Variants in COMMD1 observed in about 807,000 individuals in gnomAD.
The protein encoded by COMMD1 is COMM domain-containing protein 1.
In COMMD1, 10 loss-of-function variants were observed where a neutral mutation model predicts 17.2. The observed-to-expected ratio is 0.58, with a 90% CI of 0.36 to 0.99. The LOEUF (loss-of-function observed/expected upper bound fraction) is 0.99. COMMD1 is among the 50% of genes least tolerant of loss of function. COMMD1 has a pLI of 0.01. For synonymous variants in COMMD1, 97 were observed against 91.6 expected (o/e 1.06, Z -0.34); for missense variants, 270 against 231.8 (o/e 1.17, Z -1.07).
At chr2:62,002,922 A>T (rs544019138) in intron 2 of COMMD1, among the ~76,000 whole-genome samples, 7 of 152,092 alleles carry the variant, frequency 4.6e-5, no homozygotes, top group African/African-American at 1.7e-4. Context: ...CTTGTTGACT[A>T]GTTTGTCTGA....
chr2:61,961,608 T>C (rs7589776), intron 1 of COMMD1, among the ~76,000 whole-genome samples: 2,465 of 152,350 alleles, frequency 0.016, 65 homozygotes, highest in African/African-American at 0.057. Flanking sequence ...GAAATCTTTT[T>C]GTATAATTTA....
chr2:62,058,451 C>T (rs1433097863), intron 2 of COMMD1, among the ~76,000 whole-genome samples: 7 of 152,154 alleles, frequency 4.6e-5, no homozygotes, highest in Non-Finnish European at 1.0e-4. Context: ...AACTCCTGCA[C>T]TCACACAGTC....
intron 2 of COMMD1, among the ~76,000 whole-genome samples, chr2:62,077,802 G>A (rs1292142594): frequency 6.6e-6 from 1 of 152,094 alleles, no homozygotes; most frequent in Admixed American, 6.5e-5. Flanking sequence ...ATTTTAGGGA[G>A]ACATGAAGCT....
At chr2:61,930,891 A>T (rs753219431) in intron 1 of COMMD1, among the ~76,000 whole-genome samples, 1 of 152,142 alleles carries the variant, frequency 6.6e-6, no homozygotes, top group Non-Finnish European at 1.5e-5. Context: ...CTGCCTAGGT[A>T]TGCTAACTCA....
chr2:61,962,955 A>T (rs547424477), intron 1 of COMMD1, among the ~76,000 whole-genome samples: 1 of 151,992 alleles, frequency 6.6e-6, no homozygotes, highest in African/African-American at 2.4e-5. Context: ...GAGGTCAGGA[A>T]TTTAAGACCA....
At chr2:61,993,094 A>G (rs1166616906) in intron 1 of COMMD1, among the ~76,000 whole-genome samples, 2 of 152,328 alleles carry the variant, frequency 1.3e-5, no homozygotes, top group East Asian at 1.9e-4. Context: ...CACTGAAGCA[A>G]GTAATAGTCA....
chr2:61,979,000 A>T (rs144616989), intron 1 of COMMD1, among the ~76,000 whole-genome samples: 537 of 152,228 alleles, frequency 3.5e-3, no homozygotes, highest in African/African-American at 0.012. Flanking sequence ...TAAAATATAC[A>T]ATTAAATTAT....
intron 1 of COMMD1, among the ~76,000 whole-genome samples, chr2:61,983,433 G>A (rs757541601): frequency 5.3e-5 from 8 of 151,992 alleles, no homozygotes; most frequent in Non-Finnish European, 1.0e-4. Flanking sequence ...CTCGTGATCC[G>A]ACCGCCTCGG....
At chr2:61,976,898 G>A (rs561812915) in intron 1 of COMMD1, among the ~76,000 whole-genome samples, 2 of 150,864 alleles carry the variant, frequency 1.3e-5, no homozygotes, top group African/African-American at 4.9e-5. Flanking sequence ...GTGTGGTCTC[G>A]GCTCACTGGA....
chr2:62,109,919 C>CTTTTTTT (rs11345736), intron 2 of COMMD1, among the ~76,000 whole-genome samples: 25 of 73,856 alleles, frequency 3.4e-4, no homozygotes, highest in African/African-American at 5.6e-4. Flanking sequence ...TTATCTTGAT[C>CTTTTTTT]TTTTTTTTTT....
In COMMD1 at chr2:62,122,448, T is replaced by C. The variant is rs563255304; in HGVS notation, c.463-13383T>C. 1.2e-4 allele frequency among the ~76,000 whole-genome samples: 18 copies of C among 151,376 alleles called. No individual in the cohort carries two copies. In the South Asian group the frequency reaches 3.1e-3, roughly 26 times the overall value. On this transcript the variant is annotated intron_variant, in intron 2 of 2. Transcript: ENST00000311832. ...ATCTCTAAGTTTCTTTCTTTTCTTTTTTTTTTTTTTTGTCTAGTAGTGAAA... is the reference window on the plus strand; with the variant it reads ...ATCTCTAAGTTTCTTTCTTTTCTTTCTTTTTTTTTTTGTCTAGTAGTGAAA...
intron 2 of COMMD1, among the ~76,000 whole-genome samples, chr2:62,093,957 T>C (rs1372319831): frequency 6.6e-6 from 1 of 152,196 alleles, no homozygotes; most frequent in African/African-American, 2.4e-5. Flanking sequence ...GTTTGATTCC[T>C]TGGAGTTGGA....
At chr2:61,934,860 C>A (rs1274359344) in intron 1 of COMMD1, among the ~76,000 whole-genome samples, 2 of 152,168 alleles carry the variant, frequency 1.3e-5, no homozygotes, top group Admixed American at 6.5e-5. Flanking sequence ...TCAAGCAGTC[C>A]TCCTGCCTTG....
At chr2:61,893,065 C>A (rs1669472963) in intron 1 of COMMD1, among the ~76,000 whole-genome samples, 2 of 151,922 alleles carry the variant, frequency 1.3e-5, no homozygotes, top group Admixed American at 6.6e-5. Context: ...CGGGGTTTCA[C>A]CATGTTGGCC....
intron 2 of COMMD1, among the ~76,000 whole-genome samples, chr2:62,106,071 C>T (rs1342175030): frequency 3.3e-5 from 5 of 152,150 alleles, no homozygotes; most frequent in South Asian, 2.1e-4. Flanking sequence ...ACATAGCTCA[C>T]GTCCAGCCTC....
chr2:61,944,556 C>T (rs1258334363), intron 1 of COMMD1, among the ~76,000 whole-genome samples: 5 of 152,162 alleles, frequency 3.3e-5, no homozygotes, highest in African/African-American at 7.2e-5. Context: ...CCAGCTAAGA[C>T]CACTTCCTGT....
chr2:62,054,708 AG>A (rs761735137), intron 2 of COMMD1, among the ~76,000 whole-genome samples: 1 of 152,182 alleles, frequency 6.6e-6, no homozygotes, highest in Non-Finnish European at 1.5e-5. Context: ...TGGAAGGGAA[AG>A]GAAGTCGCAG....
chr2:62,022,448 C>CTTTTTTT (rs747830662), intron 2 of COMMD1, among the ~76,000 whole-genome samples: 2 of 84,954 alleles, frequency 2.4e-5, no homozygotes, highest in South Asian at 4.1e-4. Context: ...ACCGGCGCTT[C>CTTTTTTT]TTTTTTTTTT....
intron 2 of COMMD1, among the ~76,000 whole-genome samples, chr2:62,123,201 T>A (rs1277742957): frequency 6.7e-6 from 1 of 150,084 alleles, no homozygotes; most frequent in Non-Finnish European, 1.5e-5. Context: ...AGAAAAAAAA[T>A]ACTTTTTAAA....
Sources: gnomAD v4.1 joint callset for allele counts (sites outside exome capture counted in the v4.1 genomes callset) on GRCh38, gnomAD v4.1.1 for gene constraint, MANE v1.5 for transcripts, NCBI Gene and HGNC (gene_info 2026-07-23, HGNC 2026-07-21) for gene names.